Variants in SPATA17 observed in about 807,000 individuals in gnomAD.
SPATA17 encodes spermatogenesis-associated protein 17.
Under a neutral mutation model 62.2 loss-of-function variants are expected in SPATA17, and 53 were observed. The ratio of observed to expected loss-of-function variants is 0.85; its 90% CI spans 0.68 to 1.07. The LOEUF is 1.07. Among genes scored for constraint, SPATA17 ranks in the 50% least tolerant of loss-of-function variants. SPATA17 has a pLI of 0.00. For synonymous variants in SPATA17, 146 were observed against 146.8 expected (o/e 0.99, Z 0.04); for missense variants, 466 against 425.5 (o/e 1.10, Z -0.84).
At chr1:217,809,429 C>T (rs1016827196) in intron 9 of SPATA17, among the ~76,000 whole-genome samples, 8 of 152,198 alleles carry the variant, frequency 5.3e-5, no homozygotes, top group African/African-American at 9.6e-5. Flanking sequence ...ATTTAGCTCA[C>T]GGTTATGGAG....
chr1:217,680,877 A>T (rs1671063115), intron 4 of SPATA17, among the ~76,000 whole-genome samples: 1 of 144,086 alleles, frequency 6.9e-6, no homozygotes, highest in Admixed American at 7.3e-5. Context: ...GTGGGCCGAG[A>T]TCATGCCACT....
chr1:217,741,675 A>G (rs753656092), intron 5 of SPATA17, among the ~76,000 whole-genome samples: 1 of 152,202 alleles, frequency 6.6e-6, no homozygotes, highest in African/African-American at 2.4e-5. Flanking sequence ...TTAATCTTAA[A>G]GCAAAAATAC....
At chr1:217,830,417 C>A (rs1157705173) in intron 9 of SPATA17, among the ~76,000 whole-genome samples, 1 of 152,068 alleles carries the variant, frequency 6.6e-6, no homozygotes, top group Non-Finnish European at 1.5e-5. Context: ...CATCCTGAGC[C>A]CTGTACTGAA....
chr1:217,819,433 C>G (rs1674807946), intron 9 of SPATA17, among the ~76,000 whole-genome samples: 1 of 151,880 alleles, frequency 6.6e-6, no homozygotes, highest in Non-Finnish European at 1.5e-5. Context: ...CTCTCTATCT[C>G]TCTCTTCCCT....
At chr1:217,786,553 G>A (rs1436099501) in intron 8 of SPATA17, among the ~76,000 whole-genome samples, 1 of 152,112 alleles carries the variant, frequency 6.6e-6, no homozygotes, top group Admixed American at 6.6e-5. Context: ...GTAGTTGGTG[G>A]TTTATCCTAT....
chr1:217,860,277 T>C (rs182372318), intron 9 of SPATA17, among the ~76,000 whole-genome samples: 1 of 152,296 alleles, frequency 6.6e-6, no homozygotes, highest in Admixed American at 6.5e-5. Flanking sequence ...TTGTATGATT[T>C]CTCTTCTTTT....
At chr1:217,723,964 G>A (rs144131433) in intron 5 of SPATA17, among the ~76,000 whole-genome samples, 152 of 152,238 alleles carry the variant, frequency 1.0e-3, no homozygotes, top group African/African-American at 3.2e-3. Flanking sequence ...GGACATGGGC[G>A]GAGCTAACCT....
intron 6 of SPATA17, among the ~76,000 whole-genome samples, chr1:217,763,999 C>G (rs1366514029): frequency 1.3e-5 from 2 of 152,126 alleles, no homozygotes; most frequent in Non-Finnish European, 2.9e-5. Flanking sequence ...GCTACACATG[C>G]ACACCCTTCC....
chr1:217,833,117 C>T (rs1276371620), intron 9 of SPATA17, among the ~76,000 whole-genome samples: 1 of 152,016 alleles, frequency 6.6e-6, no homozygotes, highest in African/African-American at 2.4e-5. Flanking sequence ...TATTATATAT[C>T]ATGACCTCAT....
intron 5 of SPATA17, among the ~76,000 whole-genome samples, chr1:217,727,285 A>ATACTAC (rs35757141): frequency 1.4e-5 from 2 of 146,676 alleles, no homozygotes. Flanking sequence ...AATAATAATA[A>ATACTAC]TAACAACAAA....
intron 1 of SPATA17, among the ~76,000 whole-genome samples, chr1:217,643,769 C>A (rs927044471): frequency 6.6e-6 from 1 of 151,412 alleles, no homozygotes; most frequent in Non-Finnish European, 1.5e-5. Context: ...CACTCTGTTG[C>A]CCAGGCTGGA....
intron 9 of SPATA17, among the ~76,000 whole-genome samples, chr1:217,828,303 G>A (rs921689385): frequency 1.3e-5 from 2 of 151,594 alleles, no homozygotes; most frequent in Admixed American, 6.6e-5. Context: ...TTTTTGACAA[G>A]GGCACCAAGA....
At chr1:217,855,846 C>T (rs1016646583) in intron 9 of SPATA17, among the ~76,000 whole-genome samples, 1 of 150,538 alleles carries the variant, frequency 6.6e-6, no homozygotes, top group Non-Finnish European at 1.5e-5. Flanking sequence ...CCTGCCTTAG[C>T]CTCCCAAGTA....
intron 9 of SPATA17, among the ~76,000 whole-genome samples, chr1:217,854,666 T>A (rs577187009): frequency 6.6e-6 from 1 of 152,238 alleles, no homozygotes; most frequent in East Asian, 1.9e-4. Flanking sequence ...TAATTGAATG[T>A]ACGGAGAGAC....
intron 5 of SPATA17, among the ~76,000 whole-genome samples, chr1:217,723,912 T>A (rs1002394854): frequency 6.6e-6 from 1 of 152,236 alleles, no homozygotes; most frequent in African/African-American, 2.4e-5. Flanking sequence ...CCTCTGGTCC[T>A]GCCAAGCTCA....
chr1:217,766,989 A>G (rs1010152851), intron 6 of SPATA17, among the ~76,000 whole-genome samples: 1 of 151,958 alleles, frequency 6.6e-6, no homozygotes, highest in African/African-American at 2.4e-5. Context: ...ATAAGTGAAA[A>G]CACTGTGATA....
intron 8 of SPATA17, among the ~76,000 whole-genome samples, chr1:217,785,596 T>A (rs929696743): frequency 6.6e-6 from 1 of 152,198 alleles, no homozygotes; most frequent in African/African-American, 2.4e-5. Context: ...ATGGGAATTA[T>A]AACTCAACAT....
At chr1:217,792,499 AAACTTTCTTTCCC>A (rs1432896135) in intron 8 of SPATA17, among the ~76,000 whole-genome samples, 1 of 152,184 alleles carries the variant, frequency 6.6e-6, no homozygotes, top group Non-Finnish European at 1.5e-5. Flanking sequence ...TGTAAATCAT[AAACTTTCTTTCCC>A]ATAAATCTTT....
intron 9 of SPATA17, among the ~76,000 whole-genome samples, chr1:217,806,856 A>G (rs570303301): frequency 6.6e-5 from 10 of 152,268 alleles, no homozygotes; most frequent in Non-Finnish European, 1.3e-4. Flanking sequence ...TTAGGCTTCA[A>G]TGTGACCACA....
Sources: gnomAD v4.1 joint callset for allele counts (sites outside exome capture counted in the v4.1 genomes callset) on GRCh38, gnomAD v4.1.1 for gene constraint, MANE v1.5 for transcripts, NCBI Gene and HGNC (gene_info 2026-07-23, HGNC 2026-07-21) for gene names.